The following NCAN variants were observed in gnomAD, a reference collection of about 807,000 sequenced individuals.
NCAN encodes neurocan.
Under a neutral mutation model 121.8 loss-of-function variants are expected in NCAN, and 47 were observed. The ratio of observed to expected loss-of-function variants is 0.39; its 90% confidence interval spans 0.31 to 0.49. The LOEUF (loss-of-function observed/expected upper bound fraction) is 0.49, where lower values mean the gene tolerates loss of function less well. NCAN is among the 20% of genes least tolerant of loss of function. NCAN has a pLI of 0.92. For missense variants in NCAN, 1,517 were observed against 1,773.4 expected, an observed-to-expected ratio of 0.86 and a Z score of 2.60; for synonymous variants, 633 against 702.0, an observed-to-expected ratio of 0.90 and a Z score of 1.55.
chr19:19,240,835 G>A (rs879190132), intron 12 of NCAN, 150 bp downstream of exon 12: 1 of 763,486 alleles, frequency 1.3e-6, no homozygotes, highest in South Asian at 1.6e-5. Context: ...GGAGCTTCAA[G>A]TGAAGGCTAA....
At chr19:19,235,231 T>G in intron 10 of NCAN, 135 bp downstream of exon 10, 2 of 553,630 alleles carry the variant, frequency 3.6e-6, no homozygotes, top group East Asian at 5.5e-5. Flanking sequence ...ATTATTCTTT[T>G]AGACAAACTG....
chr19:19,241,336 G>A (rs2060902691), intron 12 of NCAN, among the ~76,000 whole-genome samples: 1 of 152,108 alleles, frequency 6.6e-6, no homozygotes, highest in Non-Finnish European at 1.5e-5. Flanking sequence ...ACTGAGTGAG[G>A]AGGATCACTT....
chr19:19,224,897 C>A, intron 5 of NCAN, 80 bp from the exon 6 acceptor site: 1 of 1,237,402 alleles, frequency 8.1e-7, no homozygotes, highest in Non-Finnish European at 1.1e-6. Flanking sequence ...CAGGTCGGAA[C>A]TATTTGGAGT....
chr19:19,248,250 G>A (rs889089785), intron 13 of NCAN, among the ~76,000 whole-genome samples: 3 of 152,082 alleles, frequency 2.0e-5, no homozygotes, highest in Admixed American at 6.6e-5. Flanking sequence ...TTCAAGACCC[G>A]CCTGGCCAAT....
rs2060779634 is a variant in NCAN, at chr19:19,212,639, A to C, written c.-8+575A>C. 6.6e-6 allele frequency among the ~76,000 whole-genome samples: 1 copy of C among 152,214 alleles called. No individual in the cohort carries two copies. The highest frequency in any genetic ancestry group is 2.4e-5 in the African/African-American group (1 of 41,452). ...TGCCATCTCCCTGTCCTTTTGGGTC[A>C]GGTCCGGTCACCACGTTCTGACTCA... On this transcript the variant is annotated intron_variant, in intron 1 of 14. Transcript: ENST00000252575. This position sits in a 1 kb window ranked among gnomAD's most constrained non-coding sequence, Gnocchi z 4.5.
chr19:19,226,272 C>T (rs1448312478), intron 6 of NCAN, among the ~76,000 whole-genome samples: 2 of 152,128 alleles, frequency 1.3e-5, no homozygotes, highest in Non-Finnish European at 2.9e-5. Context: ...GACTCTGACC[C>T]TGACAGTGGC....
intron 2 of NCAN, among the ~76,000 whole-genome samples, chr19:19,217,508 A>ATTCT (rs1481389175): frequency 1.3e-5 from 2 of 152,212 alleles, no homozygotes; most frequent in African/African-American, 4.8e-5. Flanking sequence ...GGTTATGAAA[A>ATTCT]TCAAATGAGC....
At chr19:19,249,052 T>C in intron 14 of NCAN, 170 bp downstream of exon 14, 1 of 398,854 alleles carries the variant, frequency 2.5e-6, no homozygotes. Context: ...CATTTGTGTG[T>C]GTGTGTGTGT....
At position 19,245,350 on chromosome 19, in the gene NCAN, T is replaced by C; in HGVS notation, c.3530T>C (p.Phe1177Ser). ...ENWRENQPDN[F>S]FAGGEDCVVM... ...TGGCGAGAGAACCAGCCGGACAATTTCTTCGCGGGTGGCGAGGACTGTGTG... is the reference window on the plus strand; with the variant it reads ...TGGCGAGAGAACCAGCCGGACAATTCCTTCGCGGGTGGCGAGGACTGTGTG... The change falls in exon 13 of 15, where the codon TTC becomes TCC. Residue 1177 changes from phenylalanine to serine, a missense_variant. Physicochemically the swap from Phe to Ser is radical, Grantham distance 155. Coordinates refer to ENST00000252575, the MANE Select transcript of NCAN (RefSeq NM_004386.3). 1 of 1,614,216 alleles carries C rather than the reference T, an allele frequency of 6.2e-7. No individual in the cohort carries two copies. The highest frequency in any genetic ancestry group is 8.5e-7 in the Non-Finnish European group (1 of 1,180,028).
intron 1 of NCAN, among the ~76,000 whole-genome samples, chr19:19,213,734 G>A (rs2060785007): frequency 6.6e-6 from 1 of 152,046 alleles, no homozygotes; most frequent in African/African-American, 2.4e-5. Flanking sequence ...CCCTTGGCAC[G>A]GGGGTGTGGG....
At chr19:19,232,357 G>A (rs575700538) in intron 8 of NCAN, among the ~76,000 whole-genome samples, 3 of 152,368 alleles carry the variant, frequency 2.0e-5, no homozygotes, top group East Asian at 1.9e-4. Context: ...CCGCCAGTCC[G>A]TGGGCAGGTG....
At chr19:19,249,666 C>G in intron 14 of NCAN, 100 bp from the exon 15 acceptor site, 1 of 1,502,988 alleles carries the variant, frequency 6.7e-7, no homozygotes. Flanking sequence ...CGCGTCTGGC[C>G]TCTTTCCTCT....
At position 19,226,790 on chromosome 19, in the gene NCAN, G is replaced by T. The variant is rs750537475; in HGVS notation, c.1377G>T (p.Gly459=). Residue 459 remains glycine (G), a synonymous_variant, in exon 7 of 15, where the codon GGG becomes GGT. Coordinates refer to ENST00000252575, the MANE Select transcript of NCAN (RefSeq NM_004386.3). Reference sequence around the variant, plus strand: ...TGGCCCCCAGCCCTAGCGACATGGGGGCAGGCACTGCAGCAAGTTCACACA... The same window carrying T: ...TGGCCCCCAGCCCTAGCGACATGGGTGCAGGCACTGCAGCAAGTTCACACA... ...STVAPSPSDM[G]AGTAASSHTE... is the part of the protein sequence containing the mutation. 6.2e-7 allele frequency: 1 copy of T among 1,613,286 alleles called. No homozygotes were observed. Among genetic ancestry groups the T allele is most frequent in the South Asian group, 1.1e-5 (1 of 91,096 alleles).
Position 19,228,292 on chromosome 19 carries a change from G to A in NCAN, c.2672G>A (p.Gly891Asp). 2 of 1,613,936 alleles carry A rather than the reference G, an allele frequency of 1.2e-6. No homozygotes were observed. Among genetic ancestry groups the A allele is most frequent in the African/African-American group, 1.3e-5 (1 of 75,012 alleles). Residue 891 changes from glycine (G) to aspartate (D), a missense_variant, in exon 8 of 15, where the codon GGC becomes GAC. By Grantham distance (94) the Gly-to-Asp change is moderately conservative (BLOSUM62 -1). Coordinates refer to ENST00000252575, the MANE Select transcript of NCAN (RefSeq NM_004386.3). ...GGAGTTCCAGCCATGTCTACACTGG[G>A]CTCCTCAAGCTCCCAACCCCACCCA... ...KVGVPAMSTL[G>D]SSSSQPHPEP...
chr19:19,233,739 C>A, intron 8 of NCAN, 50 bp from the exon 9 acceptor site: 1 of 1,234,674 alleles, frequency 8.1e-7, no homozygotes, highest in Non-Finnish European at 1.2e-6. Flanking sequence ...TCCAGGAAGG[C>A]AAAAGATCTG....
In NCAN at chr19:19,212,515, C is replaced by A. The variant is rs1001864410; in HGVS notation, c.-8+451C>A. On this transcript the variant is annotated intron_variant, in intron 1 of 14. Transcript: ENST00000252575. This position sits in a 1 kb window ranked among gnomAD's most constrained non-coding sequence, Gnocchi z 4.5. ...CCAATTTGCGGTTGAATGGAGGATT[C>A]CGGGCCGGACTGCAGTGGGGAGGGG... Among the ~76,000 whole-genome samples the A allele has an allele frequency of 6.6e-6, 1 of 151,020 alleles. No homozygotes were observed. Among genetic ancestry groups the A allele is most frequent in the Non-Finnish European group, 1.5e-5 (1 of 67,768 alleles).
Position 19,238,275 on chromosome 19 carries a change from C to T in NCAN, c.3273C>T (p.Gly1091=). The T allele has an allele frequency of 1.2e-6, 2 of 1,614,208 alleles. No homozygotes were observed. The highest frequency in any genetic ancestry group is 1.7e-6 in the Non-Finnish European group (2 of 1,180,036). The change falls in exon 11 of 15, where the codon GGC becomes GGT. Residue 1091 remains glycine, a synonymous_variant. Coordinates refer to ENST00000252575, the MANE Select transcript of NCAN (RefSeq NM_004386.3). ...CAGACACCGAGGGCTGTGACCGCGGCTGGCATAAGTTCCAGGGCCACTGTT... is the reference window on the plus strand; with the variant it reads ...CAGACACCGAGGGCTGTGACCGCGGTTGGCATAAGTTCCAGGGCCACTGTT... ...CEKDTEGCDR[G]WHKFQGHCYR...
Position 19,226,697 on chromosome 19 carries a change from C to G in NCAN, c.1284C>G (p.Thr428=), listed in dbSNP as rs1568596981. ...AGGAGAAGCAGGAGTCTCAACAGAC[C>G]CTCAGCCCTACCCCTGGGGACCCCA... The part of the protein sequence containing the change: ...ILEEKQESQQ[T]LSPTPGDPML... The change falls in exon 7 of 15, where the codon ACC becomes ACG. Residue 428 remains threonine (T), a synonymous_variant. Coordinates refer to ENST00000252575, the MANE Select transcript of NCAN (RefSeq NM_004386.3). 5 of 1,612,954 alleles carry G rather than the reference C, an allele frequency of 3.1e-6. No individual in the cohort carries two copies. The highest frequency in any genetic ancestry group is 1.7e-4 in the Middle Eastern group (1 of 6,058).
In NCAN at chr19:19,227,191, G is replaced by T; in HGVS notation, c.1661-90G>T. ...CTCCAAATCCCAGCTGGGTCCTCTG[G>T]CCCCAGAAGCCCCCTCTCCCTTGGG... is the stretch of plus-strand genomic sequence containing the variant. On this transcript the variant is annotated intron_variant, in intron 7 of 14. Coordinates refer to ENST00000252575, the MANE Select transcript of NCAN (RefSeq NM_004386.3). The surrounding 1 kb of genome is among the most constrained non-coding windows in gnomAD (Gnocchi z 4.2). The T allele has an allele frequency of 6.7e-7, 1 of 1,494,032 alleles. No homozygotes were observed. 92.5% of individuals were successfully genotyped at this position (1,494,032 alleles called of 1,614,324 possible).
Sources: gnomAD v4.1 joint callset for allele counts (sites outside exome capture counted in the v4.1 genomes callset) on GRCh38, gnomAD v4.1.1 for gene constraint, Gnocchi (gnomAD v3.1) non-coding constraint, MANE v1.5 for transcripts, NCBI Gene and HGNC (gene_info 2026-07-23, HGNC 2026-07-21) for gene names.